ZBTB7C: variants seen among roughly 807,000 people sequenced by gnomAD.
ZBTB7C encodes zinc finger and BTB domain containing 7C.
In ZBTB7C, 8 loss-of-function variants were observed where a neutral mutation model predicts 25.7. The observed-to-expected ratio is 0.31, with a 90% confidence interval of 0.18 to 0.56. ZBTB7C has a LOEUF of 0.56. Ranked by LOEUF, ZBTB7C falls within the 20% of genes least tolerant of loss-of-function variation. ZBTB7C has a pLI of 0.91. For synonymous variants in ZBTB7C, 394 were observed against 369.0 expected (o/e 1.07, Z -0.78); for missense variants, 824 against 855.2 (o/e 0.96, Z 0.46).
At chr18:48,069,856 C>T (rs2037477133) in intron 3 of ZBTB7C, among the ~76,000 whole-genome samples, 1 of 152,144 alleles carries the variant, frequency 6.6e-6, no homozygotes, top group Admixed American at 6.5e-5. Flanking sequence ...TGATAACAGG[C>T]TTAGGGATCA....
intron 3 of ZBTB7C, among the ~76,000 whole-genome samples, chr18:48,083,100 G>C (rs1359699954): frequency 6.6e-6 from 1 of 152,100 alleles, no homozygotes; most frequent in Non-Finnish European, 1.5e-5. Context: ...TGCGTGTGAA[G>C]ACCTGAAATA....
chr18:48,274,349 G>GT (rs991127401), intron 2 of ZBTB7C, among the ~76,000 whole-genome samples: 3 of 152,018 alleles, frequency 2.0e-5, no homozygotes, highest in East Asian at 1.9e-4. Context: ...GTCTTGTTTT[G>GT]TTTTTTTATG....
chr18:48,265,890 G>C (rs1202458012), intron 2 of ZBTB7C, among the ~76,000 whole-genome samples: 1 of 152,194 alleles, frequency 6.6e-6, no homozygotes, highest in East Asian at 1.9e-4. Context: ...ACATCATTGA[G>C]ACACTTGCAC....
intron 1 of ZBTB7C, among the ~76,000 whole-genome samples, chr18:48,348,401 T>G (rs949809444): frequency 1.2e-4 from 18 of 152,206 alleles, no homozygotes; most frequent in Non-Finnish European, 2.1e-4. Context: ...CTCACCTACC[T>G]CATTCCAAAG....
chr18:48,400,568 T>C (rs2048133102), intron 1 of ZBTB7C, among the ~76,000 whole-genome samples: 1 of 151,940 alleles, frequency 6.6e-6, no homozygotes, highest in Non-Finnish European at 1.5e-5. Flanking sequence ...CAATGCAGAG[T>C]CCCCCTGTAG....
At chr18:48,198,161 A>G (rs990483890) in intron 2 of ZBTB7C, among the ~76,000 whole-genome samples, 1 of 152,214 alleles carries the variant, frequency 6.6e-6, no homozygotes, top group Non-Finnish European at 1.5e-5. Flanking sequence ...ACTGACTTCC[A>G]GGTCTGTTAA....
chr18:48,320,821 C>T (rs778024131), intron 2 of ZBTB7C, among the ~76,000 whole-genome samples: 2 of 152,176 alleles, frequency 1.3e-5, no homozygotes, highest in Non-Finnish European at 2.9e-5. Context: ...CATGCTCTTT[C>T]CCAACTCCTC....
rs1016500042 is a variant in ZBTB7C, at chr18:48,220,693, C to T, written c.-78-34698G>A. 5.3e-5 allele frequency among the ~76,000 whole-genome samples: 8 copies of T among 152,110 alleles called. No homozygotes were observed. The South Asian group carries it at 6.2e-4, about 12-fold the overall frequency. On this transcript the variant is annotated intron_variant, in intron 2 of 4. Coordinates refer to ENST00000590800, the MANE Select transcript of ZBTB7C (RefSeq NM_001318841.2). ...ATCAACCCACAGGTGGCAATAAAGA[C>T]GGTTAAAACTTCTTACATGCCAAGT...
intron 1 of ZBTB7C, among the ~76,000 whole-genome samples, chr18:48,345,543 GC>G (rs559111382): frequency 1.3e-5 from 2 of 151,820 alleles, no homozygotes; most frequent in African/African-American, 4.8e-5. Context: ...TACCAGCACC[GC>G]CCCCCACACC....
rs1025649153 is a variant in ZBTB7C, at chr18:48,369,796, C to T, written c.-303-31398G>A. On this transcript the variant is annotated intron_variant, in intron 1 of 4. Coordinates refer to ENST00000590800, the MANE Select transcript of ZBTB7C (RefSeq NM_001318841.2). ...AGAGAAATCCACAAATCCACAATTA[C>T]ACGTTCAGAGTTCAATACTACTCTC... 2.0e-5 allele frequency among the ~76,000 whole-genome samples: 3 copies of T among 152,172 alleles called. No individual in the cohort carries two copies. In the South Asian group the frequency reaches 6.2e-4, roughly 32 times the overall value.
At chr18:48,049,967 C>T (rs1251032981) in intron 3 of ZBTB7C, among the ~76,000 whole-genome samples, 1 of 152,184 alleles carries the variant, frequency 6.6e-6, no homozygotes, top group East Asian at 1.9e-4. Context: ...GCCTCCACCT[C>T]CTCCCATGCC....
intron 3 of ZBTB7C, among the ~76,000 whole-genome samples, chr18:48,142,930 C>T (rs1341619360): frequency 6.8e-5 from 10 of 146,642 alleles, no homozygotes; most frequent in Admixed American, 2.7e-4. Flanking sequence ...CTATTCTGTG[C>T]CCCACACCAC....
At chr18:48,215,560 G>C (rs1407207013) in intron 2 of ZBTB7C, among the ~76,000 whole-genome samples, 1 of 152,226 alleles carries the variant, frequency 6.6e-6, no homozygotes, top group Non-Finnish European at 1.5e-5. Context: ...AAAGAGTTAA[G>C]TTATTATTTT....
intron 3 of ZBTB7C, among the ~76,000 whole-genome samples, chr18:48,147,297 C>G (rs768619357): frequency 6.6e-6 from 1 of 152,102 alleles, no homozygotes; most frequent in Non-Finnish European, 1.5e-5. Flanking sequence ...AGGCTGGTCT[C>G]GAACTCCTGA....
At chr18:48,224,053 A>C (rs1293027810) in intron 2 of ZBTB7C, among the ~76,000 whole-genome samples, 1 of 152,226 alleles carries the variant, frequency 6.6e-6, no homozygotes, top group South Asian at 2.1e-4. Context: ...CGGAAGTCCC[A>C]GATGACTGTA....
chr18:48,322,646 A>G (rs1333798913), intron 2 of ZBTB7C, among the ~76,000 whole-genome samples: 1 of 152,228 alleles, frequency 6.6e-6, no homozygotes, highest in Non-Finnish European at 1.5e-5. Context: ...GAGATTCCTT[A>G]AAGAACTAAC....
At chr18:48,402,878 T>A (rs775820350) in intron 1 of ZBTB7C, among the ~76,000 whole-genome samples, 27 of 152,258 alleles carry the variant, frequency 1.8e-4, no homozygotes, top group Non-Finnish European at 3.2e-4. Flanking sequence ...ATTGCTTTAA[T>A]AATCAGAAAA....
chr18:48,215,661 T>C (rs2042806082), intron 2 of ZBTB7C, among the ~76,000 whole-genome samples: 1 of 152,194 alleles, frequency 6.6e-6, no homozygotes, highest in Admixed American at 6.5e-5. Flanking sequence ...GCCTCATAAA[T>C]GGCCACCCTT....
chr18:48,117,098 C>T (rs891459477), intron 3 of ZBTB7C, among the ~76,000 whole-genome samples: 9 of 152,086 alleles, frequency 5.9e-5, no homozygotes, highest in African/African-American at 2.2e-4. Context: ...CACCTGCTGC[C>T]CACCCCCAAG....
Sources: allele counts gnomAD v4.1 joint callset (sites outside exome capture counted in the v4.1 genomes callset), GRCh38; gene constraint gnomAD v4.1.1; transcripts MANE v1.5; gene names NCBI Gene and HGNC (gene_info 2026-07-23, HGNC 2026-07-21).